PIK3R3: variants seen among roughly 807,000 people sequenced by gnomAD.
PIK3R3 encodes the protein phosphoinositide-3-kinase regulatory subunit 3.
A neutral mutation model predicts 62.9 loss-of-function variants in PIK3R3; 64 were observed. The ratio of observed to expected loss-of-function variants is 1.02; its 90% CI spans 0.83 to 1.25. PIK3R3 has a LOEUF of 1.25. Among genes scored for constraint, PIK3R3 ranks in the 50% most tolerant of loss-of-function variants. The pLI is 0.00. For missense variants in PIK3R3, 614 were observed against 561.6 expected (o/e 1.09, Z -0.94); for synonymous variants, 165 against 189.0 (o/e 0.87, Z 1.04).
the PIK3R3 span, among the ~76,000 whole-genome samples, chr1:46,162,701 G>A: frequency 6.6e-6 from 1 of 151,946 alleles, no homozygotes; most frequent in Non-Finnish European, 1.5e-5. Context: ...GACTCACTGC[G>A]ACTTCCACCT....
chr1:46,149,583 C>G, the PIK3R3 span, among the ~76,000 whole-genome samples: 1 of 151,944 alleles, frequency 6.6e-6, no homozygotes, highest in Non-Finnish European at 1.5e-5. Context: ...GTCACCCAGG[C>G]TGGAGTGCAG....
rs1649043619 is a variant in PIK3R3 at position 46,066,911 on chromosome 1, C to G, written c.495G>C (p.Gln165His). The G allele has an allele frequency of 6.2e-7, 1 of 1,609,432 alleles. No individual in the cohort carries two copies. The highest frequency in any genetic ancestry group is 1.7e-5 in the Admixed American group (1 of 59,944). Residue 165 changes from glutamine (Q) to histidine (H), a missense_variant and splice_region_variant, in exon 4 of 10, where the codon CAG becomes CAC. Gln to His is a conservative substitution (Grantham distance 24). Transcript: ENST00000262741. Reference sequence around the variant, plus strand: ...CTAGCAAGGATTTCCATAATCATACCTGTTGGTATCTGGACACTGGGTACA... The same window carrying G: ...CTAGCAAGGATTTCCATAATCATACGTGTTGGTATCTGGACACTGGGTACA... ...KLMYPVSRYQ[Q>H]DQLVKEDNID...
chr1:46,100,568 G>A (rs144075887), intron 1 of PIK3R3, among the ~76,000 whole-genome samples: 1 of 152,214 alleles, frequency 6.6e-6, no homozygotes, highest in Admixed American at 6.5e-5. Flanking sequence ...GAAAGACTAA[G>A]TGCTCCTTCC....
At chr1:46,150,968 C>T in the PIK3R3 span, among the ~76,000 whole-genome samples, 1 of 151,730 alleles carries the variant, frequency 6.6e-6, no homozygotes, top group Admixed American at 6.6e-5. Context: ...ACCACTGTGC[C>T]CAGCTAATTT....
intron 3 of PIK3R3, among the ~76,000 whole-genome samples, chr1:46,071,712 A>AAAAAAAAAAAAAAAATAT: frequency 4.1e-5 from 1 of 24,654 alleles, no homozygotes; most frequent in South Asian, 1.4e-3. Flanking sequence ...AAAAAAAAAA[A>AAAAAAAAAAAAAAAATAT]ATATATATAT....
At chr1:46,055,658 T>C in intron 7 of PIK3R3, 137 bp downstream of exon 7, 4 of 643,228 alleles carry the variant, frequency 6.2e-6, no homozygotes, top group Non-Finnish European at 1.1e-5. Flanking sequence ...CCAAGGACAC[T>C]TTCCTAAATT....
intron 1 of PIK3R3, among the ~76,000 whole-genome samples, chr1:46,123,071 AAAAAAAG>A (rs1288151016): frequency 6.6e-6 from 1 of 152,128 alleles, no homozygotes; most frequent in Non-Finnish European, 1.5e-5. Flanking sequence ...ACCCTGTCTC[AAAAAAAG>A]AAAAAAGAAA....
rs78478578 is a variant in PIK3R3, at chr1:46,127,602, T to G, written c.106+4245A>C. ...CCTCAAAAGACCAAAGGTGACGCTC[T>G]TTGAGAGGCCTCTATCCAGCTTTGC... On this transcript the variant is annotated intron_variant, in intron 1 of 9. Coordinates refer to ENST00000262741, the MANE Select transcript of PIK3R3 (RefSeq NM_003629.4). 3.2e-4 allele frequency among the ~76,000 whole-genome samples: 49 copies of G among 152,310 alleles called. 2 individuals carry two copies. The East Asian group carries it at 6.0e-3, about 19-fold the overall frequency.
At chr1:46,133,112 G>T, upstream of PIK3R3, 7 of 871,072 alleles carry the variant, frequency 8.0e-6, no homozygotes, top group Non-Finnish European at 9.7e-6. Flanking sequence ...CGCCCCAAGC[G>T]GGCCAATCAG....
chr1:46,046,147 C>A, intron 8 of PIK3R3, 59 bp from the exon 9 acceptor site: 1 of 1,026,404 alleles, frequency 9.7e-7, no homozygotes, highest in Non-Finnish European at 1.4e-6. Context: ...AAAGCAAATT[C>A]ATAAATAAAA....
At chr1:46,088,599 C>T (rs1375173950) in intron 1 of PIK3R3, among the ~76,000 whole-genome samples, 1 of 151,370 alleles carries the variant, frequency 6.6e-6, no homozygotes, top group African/African-American at 2.4e-5. Context: ...GGAAGTGGAA[C>T]AAAGAGAGAA....
chr1:46,056,387 T>G (rs1647918732), intron 6 of PIK3R3: 2 of 155,706 alleles, frequency 1.3e-5, no homozygotes, highest in Non-Finnish European at 2.8e-5. Context: ...ACATTTGTTT[T>G]TGCCTGGCCC....
rs1649060482 is a variant in PIK3R3, at chr1:46,067,048, C to T, written c.358G>A (p.Gly120Ser). 6.2e-7 allele frequency: 1 copy of T among 1,600,428 alleles called. No individual in the cohort carries two copies. Among genetic ancestry groups the T allele is most frequent in the Non-Finnish European group, 8.5e-7 (1 of 1,174,308 alleles). The change falls in exon 4 of 10, where the codon GGT becomes AGT. Residue 120 changes from glycine to serine, a missense_variant. By Grantham distance (56) the Gly-to-Ser change is moderately conservative. Transcript: ENST00000262741. ...AGAGGATCAGAAAAGCCATATTTAC[C>T]ATCCCGGTGATAGATCTTTATTAAC... ...NKLIKIYHRD[G>S]KYGFSDPLTF... is the part of the protein sequence containing the mutation.
intron 3 of PIK3R3, among the ~76,000 whole-genome samples, chr1:46,073,834 C>T (rs1649774673): frequency 1.4e-5 from 2 of 146,390 alleles, no homozygotes; most frequent in African/African-American, 5.0e-5. Context: ...CGGGGTTTCA[C>T]CATGTTGGCC....
chr1:46,108,976 G>T (rs751999333), intron 1 of PIK3R3, among the ~76,000 whole-genome samples: 2 of 152,100 alleles, frequency 1.3e-5, no homozygotes, highest in Non-Finnish European at 2.9e-5. Context: ...TGGCTAACAC[G>T]GTGAAACCGT....
At chr1:46,154,325 T>C in the PIK3R3 span, among the ~76,000 whole-genome samples, 1 of 152,094 alleles carries the variant, frequency 6.6e-6, no homozygotes, top group Non-Finnish European at 1.5e-5. Context: ...CCCAGCACTT[T>C]GGGAGGCTGA....
chr1:46,077,460 C>A, intron 3 of PIK3R3, 55 bp downstream of exon 3: 7 of 858,444 alleles, frequency 8.2e-6, no homozygotes, highest in South Asian at 3.0e-5. Context: ...ATCTGTATAC[C>A]CAGAACTAAA....
At chr1:46,097,272 A>G (rs1281912954) in intron 1 of PIK3R3, among the ~76,000 whole-genome samples, 1 of 152,200 alleles carries the variant, frequency 6.6e-6, no homozygotes, top group Non-Finnish European at 1.5e-5. Flanking sequence ...TACCAGGTGC[A>G]GTAGCTCACA....
intron 1 of PIK3R3, among the ~76,000 whole-genome samples, chr1:46,087,010 G>A (rs115281153): frequency 0.012 from 1,808 of 152,160 alleles, 29 homozygotes; most frequent in African/African-American, 0.038. Context: ...GCGAACTATC[G>A]CAAGGACAGA....
Sources: gnomAD v4.1 joint callset for allele counts (sites outside exome capture counted in the v4.1 genomes callset) on GRCh38, gnomAD v4.1.1 for gene constraint, MANE v1.5 for transcripts, NCBI Gene and HGNC (gene_info 2026-07-23, HGNC 2026-07-21) for gene names.